Variants in OR14A2 observed in about 807,000 individuals in gnomAD.
OR14A2 encodes olfactory receptor family 14 subfamily A member 2.
For missense variants in OR14A2, 237 were observed against 152.9 expected, an observed-to-expected ratio of 1.55 and a Z score of -2.90; for synonymous variants, 114 against 58.6, an observed-to-expected ratio of 1.95 and a Z score of -4.32.
the OR14A2 span, among the ~76,000 whole-genome samples, chr1:247,734,961 A>C: frequency 1.3e-5 from 2 of 152,306 alleles, no homozygotes; most frequent in Admixed American, 1.3e-4. Context: ...ACAAGATCAA[A>C]ATCTGAAAAT....
chr1:247,739,549 T>C, the OR14A2 span: 4 of 773,300 alleles, frequency 5.2e-6, no homozygotes, highest in Non-Finnish European at 9.6e-6. Context: ...AGTGGGGTAA[T>C]GAAAAGATGA....
chr1:247,724,142 T>A (rs1220216811), upstream of OR14A2: 1 of 566,386 alleles, frequency 1.8e-6, no homozygotes, highest in African/African-American at 1.9e-5. Flanking sequence ...CTAGCAAGAG[T>A]CATATTGATA....
the OR14A2 span, among the ~76,000 whole-genome samples, chr1:247,744,219 G>T: frequency 6.6e-6 from 1 of 152,098 alleles, no homozygotes; most frequent in Non-Finnish European, 1.5e-5. The surrounding 1 kb of genome is among the most constrained non-coding windows in gnomAD (Gnocchi z 4.3). Context: ...TATGATGAAA[G>T]TTTTAGCTCT....
chr1:247,738,516 C>T, the OR14A2 span: 3 of 642,836 alleles, frequency 4.7e-6, no homozygotes, highest in Admixed American at 5.4e-5. Context: ...TGATGCTACA[C>T]ATACCTTCAT....
chr1:247,729,977 C>G, the OR14A2 span, among the ~76,000 whole-genome samples: 2 of 151,966 alleles, frequency 1.3e-5, no homozygotes, highest in African/African-American at 4.8e-5. Flanking sequence ...TGGAAACTGC[C>G]TTCATTATCA....
the OR14A2 span, among the ~76,000 whole-genome samples, chr1:247,731,317 A>G: frequency 6.6e-6 from 1 of 151,940 alleles, no homozygotes; most frequent in African/African-American, 2.4e-5. Flanking sequence ...TGTAATCATC[A>G]TTTCTAGTGA....
the OR14A2 span, among the ~76,000 whole-genome samples, chr1:247,742,690 A>G: frequency 6.6e-6 from 1 of 152,168 alleles, no homozygotes; most frequent in Admixed American, 6.5e-5. Flanking sequence ...GGGAATTAAG[A>G]AGATTACAAA....
chr1:247,733,435 A>G, the OR14A2 span, among the ~76,000 whole-genome samples: 2 of 152,172 alleles, frequency 1.3e-5, no homozygotes, highest in African/African-American at 4.8e-5. Context: ...AACAATTCCT[A>G]TTTTACAAAC....
the OR14A2 span, among the ~76,000 whole-genome samples, chr1:247,743,232 C>A: frequency 6.6e-6 from 1 of 152,050 alleles, no homozygotes; most frequent in African/African-American, 2.4e-5. Flanking sequence ...CTCCCCCTAC[C>A]AGAGCACCCC....
At chr1:247,725,593 C>A (rs1660328134), upstream of OR14A2, among the ~76,000 whole-genome samples, 1 of 147,094 alleles carries the variant, frequency 6.8e-6, no homozygotes, top group African/African-American at 2.5e-5. Context: ...AGGTTAGTTA[C>A]ATATGTATAA....
At chr1:247,734,495 T>TG in the OR14A2 span, among the ~76,000 whole-genome samples, 1 of 152,170 alleles carries the variant, frequency 6.6e-6, no homozygotes, top group Non-Finnish European at 1.5e-5. Context: ...AAAATGAGCT[T>TG]GGGGGTTGTG....
chr1:247,723,028 T>G (rs554027820), downstream of OR14A2: 26 of 620,838 alleles, frequency 4.2e-5, no homozygotes, highest in African/African-American at 4.2e-4. Context: ...CTCAGGTCTT[T>G]CCAAAGTTAC....
At chr1:247,739,853 G>A in the OR14A2 span, among the ~76,000 whole-genome samples, 9 of 152,008 alleles carry the variant, frequency 5.9e-5, no homozygotes, top group Non-Finnish European at 1.2e-4. Context: ...GGGATTACAG[G>A]TGTATGCAAC....
At chr1:247,745,541 C>G in the OR14A2 span, among the ~76,000 whole-genome samples, 1 of 151,896 alleles carries the variant, frequency 6.6e-6, no homozygotes, top group African/African-American at 2.4e-5. Context: ...TGAATAAAAT[C>G]TCATGGACAA....
At chr1:247,724,967 C>G (rs1660301385), upstream of OR14A2, among the ~76,000 whole-genome samples, 1 of 151,232 alleles carries the variant, frequency 6.6e-6, no homozygotes, top group South Asian at 2.1e-4. Flanking sequence ...TTGAAAAGAT[C>G]AAAAAAATGT....
chr1:247,724,172 A>G (rs978406385), upstream of OR14A2: 4 of 552,722 alleles, frequency 7.2e-6, no homozygotes, highest in African/African-American at 7.6e-5. Context: ...ATTCAGTGGA[A>G]AGGAGTCATG....
At chr1:247,733,521 C>G in the OR14A2 span, among the ~76,000 whole-genome samples, 1 of 152,238 alleles carries the variant, frequency 6.6e-6, no homozygotes, top group South Asian at 2.1e-4. Flanking sequence ...TCCCTCACTC[C>G]CTGTCCTTTC....
the OR14A2 span, among the ~76,000 whole-genome samples, chr1:247,742,679 A>G: frequency 1.3e-5 from 2 of 152,234 alleles, no homozygotes; most frequent in African/African-American, 2.4e-5. Context: ...ATAAAATAAT[A>G]GGGAATTAAG....
chr1:247,745,504 G>A, the OR14A2 span, among the ~76,000 whole-genome samples: 1 of 151,600 alleles, frequency 6.6e-6, no homozygotes, highest in African/African-American at 2.4e-5. Flanking sequence ...AAGCCTTAAA[G>A]GAAAAGATCA....
Sources: gnomAD v4.1 joint callset for allele counts (sites outside exome capture counted in the v4.1 genomes callset) on GRCh38, gnomAD v4.1.1 for gene constraint, Gnocchi (gnomAD v3.1) non-coding constraint, MANE v1.5 for transcripts, NCBI Gene and HGNC (gene_info 2026-07-23, HGNC 2026-07-21) for gene names.